The following STOX2 variants were observed in gnomAD, a reference collection of about 807,000 sequenced individuals.
The protein encoded by STOX2 is storkhead-box protein 2.
In STOX2, 28 loss-of-function variants were observed where a neutral mutation model predicts 60.9. The observed-to-expected ratio is 0.46, with a 90% CI of 0.34 to 0.63. STOX2 has a LOEUF of 0.63. Ranked by LOEUF, STOX2 falls within the 30% of genes least tolerant of loss-of-function variation. STOX2 has a pLI of 0.01. For missense variants in STOX2, 1,024 were observed against 1,187.7 expected (o/e 0.86, Z 2.03); for synonymous variants, 472 against 463.9 (o/e 1.02, Z -0.22).
intron 1 of STOX2, among the ~76,000 whole-genome samples, chr4:183,879,453 G>A (rs189051935): frequency 2.3e-3 from 357 of 152,308 alleles, no homozygotes; most frequent in Non-Finnish European, 1.8e-3. Flanking sequence ...TTTGTGCATC[G>A]CACGAGTTCA....
Position 183,965,997 on chromosome 4 carries a change from A to G in STOX2, c.167-35328A>G, listed in dbSNP as rs539237077. ...GGATAGAGTGAACATTCAGTTTTGG[A>G]CATGTTGAGTTTGAGGCACTGGGGG... On this transcript the variant is annotated intron_variant, in intron 1 of 3. Transcript: ENST00000308497. Among the ~76,000 whole-genome samples, 4 of 150,040 alleles carry G rather than the reference A, an allele frequency of 2.7e-5. No individual in the cohort carries two copies. In the East Asian group the frequency reaches 6.0e-4, roughly 23 times the overall value.
intron 1 of STOX2, among the ~76,000 whole-genome samples, chr4:183,892,348 G>C (rs368299442): frequency 2.6e-5 from 4 of 152,130 alleles, no homozygotes; most frequent in East Asian, 1.9e-4. Context: ...GCGCGATCTC[G>C]GCTCACTGCA....
chr4:183,822,550 GCA>G lies in STOX2; in HGVS notation c.364+24501_364+24502del, dbSNP rs541700591. ...ATCAGGCATTAGATTCTCATAAGGAGCACACACCCCAGATCCCTCACATGCGC... is the reference window on the plus strand; with the variant it reads ...ATCAGGCATTAGATTCTCATAAGGAGCACACCCCAGATCCCTCACATGCGC... On this transcript the variant is annotated intron_variant, in intron 1 of 2. Coordinates refer to the STOX2 transcript ENST00000513034. Among the ~76,000 whole-genome samples, 163 of 152,306 alleles carry G rather than the reference GCA, an allele frequency of 1.1e-3. 1 individual carries two copies. Among genetic ancestry groups the G allele is most frequent in the African/African-American group, 3.8e-3 (159 of 41,566 alleles).
rs1363954410 is a variant in STOX2, at chr4:184,023,276, G to A, written c.*5992G>A. 6.6e-6 allele frequency: 1 copy of A among 152,110 alleles called. No individual in the cohort carries two copies. Among genetic ancestry groups the A allele is most frequent in the Non-Finnish European group, 1.5e-5 (1 of 68,018 alleles). The allele number at this position is 152,110 out of a possible 1,614,324, so 9.4% of individuals were successfully genotyped here. A position where few individuals can be genotyped will look rare whatever the true frequency, so the allele number is the denominator to read the frequency against. Reference sequence around the variant, plus strand: ...CAGTTCATGAAATGTCTTCCCTAATGTTACTGATTTATAACAGCACATTTG... The same window carrying A: ...CAGTTCATGAAATGTCTTCCCTAATATTACTGATTTATAACAGCACATTTG... On this transcript the variant is annotated 3_prime_UTR_variant, in exon 4 of 4. Coordinates refer to ENST00000308497, the MANE Select transcript of STOX2 (RefSeq NM_020225.3).
upstream of STOX2, among the ~76,000 whole-genome samples, chr4:183,904,926 CTG>C (rs1342418352): frequency 1.3e-5 from 2 of 152,214 alleles, no homozygotes; most frequent in Non-Finnish European, 2.9e-5. Context: ...TTTAATATCC[CTG>C]TCTCTGCATC....
At chr4:183,939,556 C>T (rs1053206617) in intron 1 of STOX2, among the ~76,000 whole-genome samples, 14 of 152,012 alleles carry the variant, frequency 9.2e-5, no homozygotes, top group Admixed American at 2.0e-4. Context: ...CTTAGATGTA[C>T]GCTTTTAGGG....
intron 1 of STOX2, among the ~76,000 whole-genome samples, chr4:183,888,890 A>G (rs1741143573): frequency 6.6e-6 from 1 of 151,984 alleles, no homozygotes; most frequent in Non-Finnish European, 1.5e-5. Flanking sequence ...GTGCTGGGGA[A>G]GGGGGCAAAT....
Position 183,906,647 on chromosome 4 carries a change from G to C in STOX2, c.-144G>C. 1.1e-6 allele frequency: 1 copy of C among 917,174 alleles called. No individual in the cohort carries two copies. Among genetic ancestry groups the C allele is most frequent in the Non-Finnish European group, 1.6e-6 (1 of 634,728 alleles). The allele number at this position is 917,174 out of a possible 1,614,324, so 56.8% of individuals were successfully genotyped here. A position where few individuals can be genotyped will look rare whatever the true frequency, so the allele number is the denominator to read the frequency against. Reference sequence around the variant, plus strand: ...CGTGGGGAGGGCCGGACCCGCCGCTGGCGGTGTAGACGCCGACGAGGAGGG... The same window carrying C: ...CGTGGGGAGGGCCGGACCCGCCGCTCGCGGTGTAGACGCCGACGAGGAGGG... On this transcript the variant is annotated 5_prime_UTR_variant, in exon 1 of 4. Transcript: ENST00000308497.
chr4:183,798,540 G>T, intron 1 of STOX2: 1 of 857,038 alleles, frequency 1.2e-6, no homozygotes, highest in African/African-American at 1.8e-5. Context: ...GGCGGCGACT[G>T]CGGGGGACGC....
chr4:183,839,705 G>A (rs569796647), intron 1 of STOX2, among the ~76,000 whole-genome samples: 2 of 152,132 alleles, frequency 1.3e-5, no homozygotes, highest in Admixed American at 1.3e-4. Context: ...GTTCTTTTTC[G>A]GACATTCTGA....
At chr4:183,850,896 C>CGATGAGGGAAAGGATGAGGGAAAG (rs70959150) in intron 1 of STOX2, among the ~76,000 whole-genome samples, 121 of 45,170 alleles carry the variant, frequency 2.7e-3, no homozygotes, top group Middle Eastern at 0.017. Context: ...ATGAGAGAAA[C>CGATGAGGGAAAGGATGAGGGAAAG]GATGAGGGAA....
chr4:183,996,076 A>G (rs937643356), intron 1 of STOX2, among the ~76,000 whole-genome samples: 1 of 152,240 alleles, frequency 6.6e-6, no homozygotes, highest in Non-Finnish European at 1.5e-5. Flanking sequence ...TACAATTGTA[A>G]TATTTTCATG....
At chr4:183,968,125 G>T (rs559190908) in intron 1 of STOX2, among the ~76,000 whole-genome samples, 2 of 152,244 alleles carry the variant, frequency 1.3e-5, no homozygotes, top group African/African-American at 2.4e-5. Flanking sequence ...ATCAATCCCT[G>T]TGCCCTTTTC....
intron 1 of STOX2, among the ~76,000 whole-genome samples, chr4:183,887,150 G>C (rs1467143632): frequency 6.6e-6 from 1 of 152,148 alleles, no homozygotes; most frequent in East Asian, 1.9e-4. Context: ...TGTAGTCCCA[G>C]CTACTCGGGA....
At chr4:183,975,119 C>A (rs966731609) in intron 1 of STOX2, among the ~76,000 whole-genome samples, 6 of 151,896 alleles carry the variant, frequency 4.0e-5, no homozygotes, top group African/African-American at 1.5e-4. Flanking sequence ...TCAGAGAAAG[C>A]AGAAAATATT....
intron 1 of STOX2, among the ~76,000 whole-genome samples, chr4:183,887,470 T>C (rs1445748194): frequency 6.6e-6 from 1 of 152,204 alleles, no homozygotes; most frequent in Non-Finnish European, 1.5e-5. Flanking sequence ...AAAGGTACTG[T>C]GTGAGCTACT....
rs1321968626 is a variant in STOX2 at position 183,994,241 on chromosome 4, A to G, written c.167-7084A>G. 3.9e-5 allele frequency among the ~76,000 whole-genome samples: 6 copies of G among 152,156 alleles called. No individual in the cohort carries two copies. The East Asian group carries it at 9.6e-4, about 24-fold the overall frequency. ...ATAGTGCATTTTATAGACATGTTTGACTATTTTTATGAGGAATCACGGTAT... is the reference window on the plus strand; with the variant it reads ...ATAGTGCATTTTATAGACATGTTTGGCTATTTTTATGAGGAATCACGGTAT... On this transcript the variant is annotated intron_variant, in intron 1 of 3. Transcript: ENST00000308497.
At chr4:183,828,666 G>A (rs532855773) in intron 1 of STOX2, among the ~76,000 whole-genome samples, 1 of 152,270 alleles carries the variant, frequency 6.6e-6, no homozygotes, top group South Asian at 2.1e-4. Context: ...TATTATTCAG[G>A]CTGGCTCTTG....
At chr4:183,866,590 G>A (rs1487217005) in intron 1 of STOX2, among the ~76,000 whole-genome samples, 2 of 152,198 alleles carry the variant, frequency 1.3e-5, no homozygotes, top group Non-Finnish European at 1.5e-5. Flanking sequence ...GAGAATTACT[G>A]TGCCAGATCC....
Sources: allele counts gnomAD v4.1 joint callset (sites outside exome capture counted in the v4.1 genomes callset), GRCh38; gene constraint gnomAD v4.1.1; transcripts MANE v1.5; gene names NCBI Gene and HGNC (gene_info 2026-07-23, HGNC 2026-07-21).